RBFOX3: variants seen among roughly 807,000 people sequenced by gnomAD.
RBFOX3 encodes RNA binding protein fox-1 homolog 3.
In RBFOX3, 17 loss-of-function variants were observed where a neutral mutation model predicts 48.7. That is an observed-to-expected ratio of 0.35 (90% CI 0.24 to 0.52). The LOEUF (loss-of-function observed/expected upper bound fraction) is 0.52. Ranked by LOEUF, RBFOX3 falls within the 20% of genes least tolerant of loss-of-function variation. The probability of loss-of-function intolerance (pLI) is 0.94; values close to 1 mark genes in which losing one functional copy is unlikely to be tolerated. For synonymous variants in RBFOX3, 212 were observed against 209.5 expected (o/e 1.01, Z -0.10); for missense variants, 382 against 497.5 (o/e 0.77, Z 2.21).
chr17:79,562,286 C>CGGA (rs2092272081), intron 1 of RBFOX3, among the ~76,000 whole-genome samples: 1 of 152,210 alleles, frequency 6.6e-6, no homozygotes. Flanking sequence ...CATCCACACA[C>CGGA]GGAGCTGAGT....
At chr17:79,451,091 T>TA (rs1209886042) in intron 2 of RBFOX3, among the ~76,000 whole-genome samples, 1 of 152,084 alleles carries the variant, frequency 6.6e-6, no homozygotes, top group East Asian at 1.9e-4. Context: ...CACCCACAAA[T>TA]ATGCCAAACC....
intron 3 of RBFOX3, among the ~76,000 whole-genome samples, chr17:79,295,640 GTT>G (rs1475876377): frequency 6.6e-6 from 1 of 152,204 alleles, no homozygotes; most frequent in Non-Finnish European, 1.5e-5. Context: ...TTTTCTCTGA[GTT>G]TTCAGCCATT....
intron 1 of RBFOX3, among the ~76,000 whole-genome samples, chr17:79,567,762 G>A (rs954026075): frequency 5.3e-5 from 8 of 152,320 alleles, no homozygotes; most frequent in Admixed American, 3.9e-4. Flanking sequence ...TCCTGGCAGG[G>A]AAGAGCGATC....
At chr17:79,484,754 AG>A (rs2079311577) in intron 1 of RBFOX3, among the ~76,000 whole-genome samples, 1 of 152,102 alleles carries the variant, frequency 6.6e-6, no homozygotes, top group South Asian at 2.1e-4. Context: ...ACAAAAGGCA[AG>A]GGCTAGAACT....
In RBFOX3 at chr17:79,242,230, G is replaced by A. The variant is rs1056535799; in HGVS notation, c.-73-6425C>T. Among the ~76,000 whole-genome samples the A allele has an allele frequency of 3.3e-5, 5 of 152,196 alleles. No individual in the cohort carries two copies. The highest frequency in any genetic ancestry group is 1.9e-4 in the East Asian group (1 of 5,174). ...GAGGGGGTGCTACCTGAGGAGCCCC[G>A]GGGTGGGGGGCAGGCCGTATGGAGG... On this transcript the variant is annotated intron_variant, in intron 3 of 14. Coordinates refer to ENST00000693108, the MANE Select transcript of RBFOX3 (RefSeq NM_001350451.2). The surrounding 1 kb of genome is among the most constrained non-coding windows in gnomAD (Gnocchi z 5.8).
Position 79,379,601 on chromosome 17 carries a change from G to A in RBFOX3, c.-174-71777C>T, listed in dbSNP as rs1347604163. ...GAAAGAATGAACACGGGTGAGCAGG[G>A]ACCTCGGAGACTCAGCCTCTCAGGG... is the stretch of plus-strand genomic sequence containing the variant. On this transcript the variant is annotated intron_variant, in intron 2 of 14. Coordinates refer to ENST00000693108, the MANE Select transcript of RBFOX3 (RefSeq NM_001350451.2). Among the ~76,000 whole-genome samples the A allele has an allele frequency of 2.6e-5, 4 of 152,260 alleles. No homozygotes were observed. The East Asian group carries it at 7.7e-4, about 29-fold the overall frequency.
At chr17:79,636,212 T>C in the RBFOX3 span, among the ~76,000 whole-genome samples, 4 of 152,114 alleles carry the variant, frequency 2.6e-5, no homozygotes, top group African/African-American at 7.2e-5. Flanking sequence ...ATCCAAGATA[T>C]ATTGTGACCA....
chr17:79,275,566 A>C (rs2068637227), intron 3 of RBFOX3, among the ~76,000 whole-genome samples: 1 of 152,172 alleles, frequency 6.6e-6, no homozygotes, highest in Non-Finnish European at 1.5e-5. Context: ...AAGTGAAGGA[A>C]TGGGTGAGGG....
chr17:79,260,899 G>C (rs1315793799), intron 3 of RBFOX3, among the ~76,000 whole-genome samples: 1 of 152,086 alleles, frequency 6.6e-6, no homozygotes, highest in Non-Finnish European at 1.5e-5. Flanking sequence ...CCGCACACTG[G>C]CCTCCTCACT....
At chr17:79,300,615 G>A (rs1568001916) in intron 3 of RBFOX3, among the ~76,000 whole-genome samples, 1 of 152,210 alleles carries the variant, frequency 6.6e-6, no homozygotes, top group South Asian at 2.1e-4. Flanking sequence ...GGGCAACGTG[G>A]ACTGGCGTGT....
intron 3 of RBFOX3, among the ~76,000 whole-genome samples, chr17:79,269,950 G>C (rs1488838136): frequency 2.0e-5 from 3 of 152,126 alleles, no homozygotes; most frequent in Non-Finnish European, 4.4e-5. Flanking sequence ...TGCAGCATCT[G>C]GGGTGGGGAC....
At chr17:79,210,951 C>T (rs1413807056) in intron 4 of RBFOX3, among the ~76,000 whole-genome samples, 1 of 151,960 alleles carries the variant, frequency 6.6e-6, no homozygotes, top group East Asian at 1.9e-4. Flanking sequence ...CACAGGTGTC[C>T]GCATATAGTT....
chr17:79,445,903 G>T (rs1238457205), intron 2 of RBFOX3, among the ~76,000 whole-genome samples: 1 of 152,208 alleles, frequency 6.6e-6, no homozygotes, highest in Non-Finnish European at 1.5e-5. Flanking sequence ...TCCAACCAGG[G>T]GTGGGTTTGC....
At chr17:79,101,913 G>A (rs1414252125) in intron 8 of RBFOX3, among the ~76,000 whole-genome samples, 2 of 152,202 alleles carry the variant, frequency 1.3e-5, no homozygotes, top group African/African-American at 2.4e-5. Context: ...CAGGCTCCCA[G>A]GCACCCCAGG....
intron 14 of RBFOX3, among the ~76,000 whole-genome samples, chr17:79,092,957 AG>A (rs55907503): frequency 3.3e-5 from 5 of 151,890 alleles, no homozygotes; most frequent in African/African-American, 9.7e-5. Flanking sequence ...CCTTATGCAG[AG>A]GGGGGGTCCC....
At chr17:79,206,212 A>T (rs903955729) in intron 4 of RBFOX3, among the ~76,000 whole-genome samples, 1 of 152,120 alleles carries the variant, frequency 6.6e-6, no homozygotes, top group Admixed American at 6.6e-5. Context: ...CACTCCTTCC[A>T]CCAAGAGAGG....
At chr17:79,650,198 T>C in the RBFOX3 span, among the ~76,000 whole-genome samples, 1 of 152,114 alleles carries the variant, frequency 6.6e-6, no homozygotes, top group African/African-American at 2.4e-5. Context: ...CCAACTAAAC[T>C]GGGGGGATTC....
intron 3 of RBFOX3, among the ~76,000 whole-genome samples, chr17:79,262,205 C>T (rs757353411): frequency 3.0e-4 from 45 of 152,272 alleles, no homozygotes; most frequent in Middle Eastern, 3.4e-3. Flanking sequence ...AGGCCAAGCC[C>T]GAGATGCGGC....
At chr17:79,569,982 G>GA (rs1201067422) in intron 1 of RBFOX3, among the ~76,000 whole-genome samples, 1 of 110,944 alleles carries the variant, frequency 9.0e-6, no homozygotes, top group African/African-American at 2.6e-5. Flanking sequence ...TAGATGGATG[G>GA]TAGATGGATG....
Sources: allele counts gnomAD v4.1 joint callset (sites outside exome capture counted in the v4.1 genomes callset), GRCh38; gene constraint gnomAD v4.1.1; non-coding constraint Gnocchi (gnomAD v3.1); transcripts MANE v1.5; gene names NCBI Gene and HGNC (gene_info 2026-07-23, HGNC 2026-07-21).